The following OR8D1 variants were observed in gnomAD, a reference collection of about 807,000 sequenced individuals.
OR8D1 encodes olfactory receptor family 8 subfamily D member 1, also known as olfactory receptor 8D1.
For missense variants in OR8D1, 384 were observed against 366.8 expected (o/e 1.05, Z -0.38); for synonymous variants, 143 against 147.0 (o/e 0.97, Z 0.20).
In OR8D1 at chr11:124,307,170, A is replaced by G. The variant is rs1862375720; in HGVS notation, c.*2670T>C. On this transcript the variant is annotated 3_prime_UTR_variant, in exon 3 of 3. Transcript: ENST00000641015. Reference sequence around the variant, plus strand: ...TTTGGACCAGGGTTATGAAGAACTTAACAGCAAAAGTAGATTTAAGTACAA... The same window carrying G: ...TTTGGACCAGGGTTATGAAGAACTTGACAGCAAAAGTAGATTTAAGTACAA... 1 of 152,126 alleles carries G rather than the reference A, an allele frequency of 6.6e-6. No homozygotes were observed. Among genetic ancestry groups the G allele is most frequent in the South Asian group, 2.1e-4 (1 of 4,824 alleles). 9.4% of individuals were successfully genotyped at this position (152,126 alleles called of 1,614,324 possible). A position where few individuals can be genotyped will look rare whatever the true frequency, so the allele number is the denominator to read the frequency against.
At chr11:124,311,285 C>T (rs1054832691) in intron 2 of OR8D1, among the ~76,000 whole-genome samples, 4 of 152,100 alleles carry the variant, frequency 2.6e-5, no homozygotes, top group African/African-American at 9.7e-5. Flanking sequence ...AAGGCATCTA[C>T]TCATTATGCT....
rs762123265 is a variant in OR8D1, at chr11:124,310,210, T to C, written c.557A>G (p.Asn186Ser). 6 of 1,613,440 alleles carry C rather than the reference T, an allele frequency of 3.7e-6. No individual in the cohort carries two copies. The highest frequency in any genetic ancestry group is 1.7e-4 in the Middle Eastern group (1 of 6,058). ...HYFCDVLPLLNLSCSNTHLNE... is the reference protein window; with the variant it reads ...HYFCDVLPLLSLSCSNTHLNE... Reference sequence around the variant, plus strand: ...GAGGTGTGTGTTGGAGCAGGAGAGATTGAGGAGGGGAAGAACATCACAGAA... The same window carrying C: ...GAGGTGTGTGTTGGAGCAGGAGAGACTGAGGAGGGGAAGAACATCACAGAA... Residue 186 changes from asparagine to serine, a missense_variant, in exon 3 of 3, where the codon AAT (asparagine) becomes AGT (serine). By Grantham distance (46) the Asn-to-Ser change is conservative. Coordinates refer to ENST00000641015, the MANE Select transcript of OR8D1 (RefSeq NM_001002917.2).
chr11:124,308,295 T>C lies in OR8D1; in HGVS notation c.*1545A>G, dbSNP rs1325050433. 1 of 152,170 alleles carries C rather than the reference T, an allele frequency of 6.6e-6. No homozygotes were observed. Among genetic ancestry groups the C allele is most frequent in the Non-Finnish European group, 1.5e-5 (1 of 68,042 alleles). The allele number at this position is 152,170 out of a possible 1,614,324, so 9.4% of individuals were successfully genotyped here. A position where few individuals can be genotyped will look rare whatever the true frequency, so the allele number is the denominator to read the frequency against. The stretch of plus-strand genomic sequence containing the variant: ...CAGGATCCTGGATTCAGAAAAGTGT[T>C]AATTGCACTATTAAAGCTGCTGAAA... On this transcript the variant is annotated 3_prime_UTR_variant, in exon 3 of 3. Transcript: ENST00000641015.
rs1049461352 is a variant in OR8D1 at position 124,307,688 on chromosome 11, T to C, written c.*2152A>G. 2.0e-5 allele frequency: 3 copies of C among 152,104 alleles called. No individual in the cohort carries two copies. Among genetic ancestry groups the C allele is most frequent in the African/African-American group, 4.8e-5 (2 of 41,442 alleles). 9.4% of individuals were successfully genotyped at this position (152,104 alleles called of 1,614,324 possible). A position where few individuals can be genotyped will look rare whatever the true frequency, so the allele number is the denominator to read the frequency against. ...AGCTTTTTTCAAGAAAGTCATGATATGATTATAGGGAAAAGAGAATATTTT... is the reference window on the plus strand; with the variant it reads ...AGCTTTTTTCAAGAAAGTCATGATACGATTATAGGGAAAAGAGAATATTTT... On this transcript the variant is annotated 3_prime_UTR_variant, in exon 3 of 3. Transcript: ENST00000641015.
Position 124,310,771 on chromosome 11 carries a change from C to G in OR8D1, c.-5G>C, listed in dbSNP as rs1862415440. On this transcript the variant is annotated 5_prime_UTR_variant, in exon 3 of 3. Coordinates refer to ENST00000641015, the MANE Select transcript of OR8D1 (RefSeq NM_001002917.2). ...AGAATAATTTTCCATGGTCATTCTT[C>G]TTTAGGCATTTCTGTGAAAATAGAA... 6.2e-7 allele frequency: 1 copy of G among 1,601,066 alleles called. No homozygotes were observed.
rs2137790793 is a variant in OR8D1, at chr11:124,309,267, C to G, written c.*573G>C. On this transcript the variant is annotated 3_prime_UTR_variant, in exon 3 of 3. Transcript: ENST00000641015. ...TGAAAATAAAGAGATTTTTAATATACTGAGTAGAAAAAAAAATAGTAAAAG... is the reference window on the plus strand; with the variant it reads ...TGAAAATAAAGAGATTTTTAATATAGTGAGTAGAAAAAAAAATAGTAAAAG... The G allele has an allele frequency of 1.3e-5, 2 of 152,084 alleles. No individual in the cohort carries two copies. Among genetic ancestry groups the G allele is most frequent in the East Asian group, 3.9e-4 (2 of 5,164 alleles). 9.4% of individuals were successfully genotyped at this position (152,084 alleles called of 1,614,324 possible). A position where few individuals can be genotyped will look rare whatever the true frequency, so the allele number is the denominator to read the frequency against.
At position 124,313,165 on chromosome 11, in the gene OR8D1, C is replaced by T. The variant is rs1862437207; in HGVS notation, c.-122+556G>A. Among the ~76,000 whole-genome samples the T allele has an allele frequency of 6.4e-5, 9 of 141,692 alleles. No homozygotes were observed. The South Asian group carries it at 2.0e-3, about 31-fold the overall frequency. The allele number at this position is 141,692 out of a possible 152,430, so 93.0% of individuals were successfully genotyped here. A position where few individuals can be genotyped will look rare whatever the true frequency, so the allele number is the denominator to read the frequency against. On this transcript the variant is annotated intron_variant, in intron 1 of 2. Transcript: ENST00000641015. ...CTCCAGCGCGGGTGACAGAGCAAGA[C>T]TCCATCTCGAAAGGAAAGAAAAAGA...
rs565889859 is a variant in OR8D1 at position 124,304,003 on chromosome 11, A to G, written c.*5837T>C. 48 of 152,158 alleles carry G rather than the reference A, an allele frequency of 3.2e-4. No individual in the cohort carries two copies. Among genetic ancestry groups the G allele is most frequent in the African/African-American group, 1.1e-3 (44 of 41,564 alleles). 9.4% of individuals were successfully genotyped at this position (152,158 alleles called of 1,614,324 possible). A position where few individuals can be genotyped will look rare whatever the true frequency, so the allele number is the denominator to read the frequency against. On this transcript the variant is annotated 3_prime_UTR_variant, in exon 3 of 3. Coordinates refer to ENST00000641015, the MANE Select transcript of OR8D1 (RefSeq NM_001002917.2). Reference sequence around the variant, plus strand: ...AAAATTTAAATTTTAGTGTTTATAAATAAAATTGTATTGTACAAGACCACA... The same window carrying G: ...AAAATTTAAATTTTAGTGTTTATAAGTAAAATTGTATTGTACAAGACCACA...
Position 124,304,046 on chromosome 11 carries a change from A to G in OR8D1, c.*5794T>C, listed in dbSNP as rs1443524597. 2.6e-5 allele frequency: 4 copies of G among 152,180 alleles called. No homozygotes were observed. Among genetic ancestry groups the G allele is most frequent in the South Asian group, 4.1e-4 (2 of 4,828 alleles). The allele number at this position is 152,180 out of a possible 1,614,324, so 9.4% of individuals were successfully genotyped here. On this transcript the variant is annotated 3_prime_UTR_variant, in exon 3 of 3. Coordinates refer to ENST00000641015, the MANE Select transcript of OR8D1 (RefSeq NM_001002917.2). Reference sequence around the variant, plus strand: ...AGACCACATTCATTCATTACAATATAATAGTTCAGTAGTTACAATGGAATC... The same window carrying G: ...AGACCACATTCATTCATTACAATATGATAGTTCAGTAGTTACAATGGAATC...
At position 124,309,862 on chromosome 11, in the gene OR8D1, C is replaced by A. The variant is rs766370112; in HGVS notation, c.905G>T (p.Arg302Met). The A allele has an allele frequency of 8.8e-6, 13 of 1,471,574 alleles. No individual in the cohort carries two copies. The South Asian group carries it at 1.3e-4, about 15-fold the overall frequency. The allele number at this position is 1,471,574 out of a possible 1,614,324, so 91.2% of individuals were successfully genotyped here. A position where few individuals can be genotyped will look rare whatever the true frequency, so the allele number is the denominator to read the frequency against. The change falls in exon 3 of 3, where the codon AGG becomes ATG. Residue 302 changes from arginine to methionine, a missense_variant. Physicochemically the swap from Arg to Met is moderately conservative, Grantham distance 91 (BLOSUM62 -1). Transcript: ENST00000641015. ...GACTCATTTTCCTACTAAGACCTTC[C>A]TTAATGCTTTCTTCACATCCTTATT... ...LRNKDVKKALRKVLVGK is the reference protein window; with the variant it reads ...LRNKDVKKALMKVLVGK
Position 124,303,319 on chromosome 11 carries a change from C to CA in OR8D1, c.*6520dup, listed in dbSNP as rs1437394041. Reference sequence around the variant, plus strand: ...TAATCCAACCACCTCCCTCTCTTGACACACGGGGATTACAGGTCCCTCTGT... The same window carrying CA: ...TAATCCAACCACCTCCCTCTCTTGACAACACGGGGATTACAGGTCCCTCTGT... On this transcript the variant is annotated 3_prime_UTR_variant, in exon 3 of 3. Transcript: ENST00000641015. 1.2e-4 allele frequency: 19 copies of CA among 152,098 alleles called. No homozygotes were observed. Among genetic ancestry groups the CA allele is most frequent in the Admixed American group, 1.2e-3 (19 of 15,236 alleles). The allele number at this position is 152,098 out of a possible 1,614,324, so 9.4% of individuals were successfully genotyped here.
Position 124,304,350 on chromosome 11 carries a change from T to A in OR8D1, c.*5490A>T, listed in dbSNP as rs1228691503. On this transcript the variant is annotated 3_prime_UTR_variant, in exon 3 of 3. Coordinates refer to ENST00000641015, the MANE Select transcript of OR8D1 (RefSeq NM_001002917.2). Reference sequence around the variant, plus strand: ...CATATTATTAAATGATATTCATCTGTTTGGTTGCATGCCTCGATAGATTGT... The same window carrying A: ...CATATTATTAAATGATATTCATCTGATTGGTTGCATGCCTCGATAGATTGT... 2 of 151,982 alleles carry A rather than the reference T, an allele frequency of 1.3e-5. No homozygotes were observed. The highest frequency in any genetic ancestry group is 3.9e-4 in the East Asian group (2 of 5,180). The allele number at this position is 151,982 out of a possible 1,614,324, so 9.4% of individuals were successfully genotyped here. A position where few individuals can be genotyped will look rare whatever the true frequency, so the allele number is the denominator to read the frequency against.
At chr11:124,312,395 G>A (rs1291340376) in intron 1 of OR8D1, among the ~76,000 whole-genome samples, 1 of 152,096 alleles carries the variant, frequency 6.6e-6, no homozygotes, top group Admixed American at 6.6e-5. Context: ...GGGCACTGAA[G>A]TGTTTTCATC....
At position 124,309,705 on chromosome 11, in the gene OR8D1, A is replaced by C; in HGVS notation, c.*135T>G. 2.2e-6 allele frequency: 1 copy of C among 460,420 alleles called. No homozygotes were observed. The highest frequency in any genetic ancestry group is 3.4e-5 in the East Asian group (1 of 29,780). 28.5% of individuals were successfully genotyped at this position (460,420 alleles called of 1,614,324 possible). A position where few individuals can be genotyped will look rare whatever the true frequency, so the allele number is the denominator to read the frequency against. ...TTATTTTGTTGAGAAAGTTGAATCA[A>C]TCATAGATGGGAAAGTATTTTTAAA... is the stretch of plus-strand genomic sequence containing the variant. On this transcript the variant is annotated 3_prime_UTR_variant, in exon 3 of 3. Coordinates refer to ENST00000641015, the MANE Select transcript of OR8D1 (RefSeq NM_001002917.2).
rs1224178030 is a variant in OR8D1 at position 124,305,310 on chromosome 11, G to C, written c.*4530C>G. ...CTGAAAGTAATTATGCCGAATAAAA[G>C]ACATCAAGTAAAGAGTATATACTGT... On this transcript the variant is annotated 3_prime_UTR_variant, in exon 3 of 3. Transcript: ENST00000641015. 2 of 151,742 alleles carry C rather than the reference G, an allele frequency of 1.3e-5. No individual in the cohort carries two copies. The highest frequency in any genetic ancestry group is 3.9e-4 in the East Asian group (2 of 5,170). The allele number at this position is 151,742 out of a possible 1,614,324, so 9.4% of individuals were successfully genotyped here.
Position 124,305,574 on chromosome 11 carries a change from G to C in OR8D1, c.*4266C>G, listed in dbSNP as rs1030795569. 15 of 151,816 alleles carry C rather than the reference G, an allele frequency of 9.9e-5. No homozygotes were observed. The highest frequency in any genetic ancestry group is 3.6e-4 in the African/African-American group (15 of 41,400). The allele number at this position is 151,816 out of a possible 1,614,324, so 9.4% of individuals were successfully genotyped here. A position where few individuals can be genotyped will look rare whatever the true frequency, so the allele number is the denominator to read the frequency against. Reference sequence around the variant, plus strand: ...AAAGCAAAAGGGGGCCTCCAGGAGTGATGCTAATATTCTATATCTTTACCT... The same window carrying C: ...AAAGCAAAAGGGGGCCTCCAGGAGTCATGCTAATATTCTATATCTTTACCT... On this transcript the variant is annotated 3_prime_UTR_variant, in exon 3 of 3. Coordinates refer to ENST00000641015, the MANE Select transcript of OR8D1 (RefSeq NM_001002917.2).
rs575155706 is a variant in OR8D1, at chr11:124,307,705, G to T, written c.*2135C>A. ...TCATGATATGATTATAGGGAAAAGAGAATATTTTCATATAAAGGTATTTTA... is the reference window on the plus strand; with the variant it reads ...TCATGATATGATTATAGGGAAAAGATAATATTTTCATATAAAGGTATTTTA... On this transcript the variant is annotated 3_prime_UTR_variant, in exon 3 of 3. Transcript: ENST00000641015. 6.6e-6 allele frequency: 1 copy of T among 152,222 alleles called. No homozygotes were observed. The highest frequency in any genetic ancestry group is 2.4e-5 in the African/African-American group (1 of 41,566). 9.4% of individuals were successfully genotyped at this position (152,222 alleles called of 1,614,324 possible).
In OR8D1 at chr11:124,311,665, G is replaced by A. The variant is rs1444785087; in HGVS notation, c.-110C>T. 6.6e-6 allele frequency: 1 copy of A among 152,152 alleles called. No individual in the cohort carries two copies. Among genetic ancestry groups the A allele is most frequent in the East Asian group, 1.9e-4 (1 of 5,190 alleles). 9.4% of individuals were successfully genotyped at this position (152,152 alleles called of 1,614,324 possible). A position where few individuals can be genotyped will look rare whatever the true frequency, so the allele number is the denominator to read the frequency against. Reference sequence around the variant, plus strand: ...AACTTTCCAAAGCGTGGTACCCTTGGTGGTTTGGGCCCTGGATACAAAGAA... The same window carrying A: ...AACTTTCCAAAGCGTGGTACCCTTGATGGTTTGGGCCCTGGATACAAAGAA... On this transcript the variant is annotated 5_prime_UTR_variant, in exon 2 of 3. Coordinates refer to ENST00000641015, the MANE Select transcript of OR8D1 (RefSeq NM_001002917.2).
Position 124,306,289 on chromosome 11 carries a change from T to G in OR8D1, c.*3551A>C, listed in dbSNP as rs973116886. 6.6e-5 allele frequency: 10 copies of G among 150,704 alleles called. No individual in the cohort carries two copies. Among genetic ancestry groups the G allele is most frequent in the African/African-American group, 2.4e-4 (10 of 41,212 alleles). 9.3% of individuals were successfully genotyped at this position (150,704 alleles called of 1,614,324 possible). On this transcript the variant is annotated 3_prime_UTR_variant, in exon 3 of 3. Coordinates refer to ENST00000641015, the MANE Select transcript of OR8D1 (RefSeq NM_001002917.2). ...TCACCTTTAAGATTTATTAAAATAT[T>G]ATTTACCATTTCACAGGTAAATAAG...
Sources: gnomAD v4.1 joint callset for allele counts (sites outside exome capture counted in the v4.1 genomes callset) on GRCh38, gnomAD v4.1.1 for gene constraint, MANE v1.5 for transcripts, NCBI Gene and HGNC (gene_info 2026-07-23, HGNC 2026-07-21) for gene names.